The following ALB variants were observed in gnomAD, a reference collection of about 807,000 sequenced individuals.
ALB encodes serum albumin.
ALB carries 37 observed loss-of-function variants against 74.5 expected under a neutral mutation model. The observed-to-expected ratio is 0.50, with a 90% CI of 0.38 to 0.65. The LOEUF (loss-of-function observed/expected upper bound fraction) is 0.65, where lower values mean the gene tolerates loss of function less well. Among genes scored for constraint, ALB ranks in the 30% least tolerant of loss-of-function variants. ALB has a pLI of 0.00. For synonymous variants in ALB, 249 were observed against 251.6 expected (o/e 0.99, Z 0.10); for missense variants, 685 against 718.7 (o/e 0.95, Z 0.54).
intron 5 of ALB, among the ~76,000 whole-genome samples, chr4:73,410,081 G>A (rs1355428090): frequency 1.3e-5 from 2 of 152,058 alleles, no homozygotes; most frequent in Non-Finnish European, 2.9e-5. Context: ...TCCTGGCAAT[G>A]TTTCCAGTTG....
Position 73,418,053 on chromosome 4 carries a change from T to A in ALB, c.1429-35T>A, listed in dbSNP as rs765925207. ...TTAGTAGAAAATTTTCAGCTTCACC[T>A]CTTTTGAATTTCTGCTCTCCTGCCT... is the stretch of plus-strand genomic sequence containing the variant. On this transcript the variant is annotated intron_variant, in intron 11 of 14. Transcript: ENST00000295897. 66 of 1,604,498 alleles carry A rather than the reference T, an allele frequency of 4.1e-5. No individual in the cohort carries two copies. In the Admixed American group the frequency reaches 1.1e-3, roughly 27 times the overall value.
chr4:73,410,191 G>A, intron 5 of ALB, 121 bp from the exon 6 acceptor site: 1 of 751,096 alleles, frequency 1.3e-6, no homozygotes, highest in Non-Finnish European at 2.4e-6. Flanking sequence ...GGAGTACTTG[G>A]GAATTTAGGC....
intron 12 of ALB, 154 bp from the exon 13 acceptor site, chr4:73,419,353 T>G (rs377522633): frequency 4.0e-6 from 3 of 745,736 alleles, no homozygotes; most frequent in African/African-American, 1.8e-5. Flanking sequence ...TTGAGACTTA[T>G]AGCGGTATGC....
chr4:73,420,241 T>A lies in ALB; in HGVS notation c.1786-13T>A. 6.2e-7 allele frequency: 1 copy of A among 1,610,898 alleles called. No individual in the cohort carries two copies. Among genetic ancestry groups the A allele is most frequent in the South Asian group, 1.1e-5 (1 of 90,942 alleles). ...TAATATTTTCCTAACATCTGTCATG[T>A]CTTTGTGTTCAGGGTAAAAAACTTG... On this transcript the variant is annotated splice_polypyrimidine_tract_variant and intron_variant, in intron 13 of 14. Coordinates refer to ENST00000295897, the MANE Select transcript of ALB (RefSeq NM_000477.7).
At chr4:73,417,276 T>A (rs1577941159) in intron 10 of ALB, among the ~76,000 whole-genome samples, 1 of 152,332 alleles carries the variant, frequency 6.6e-6, no homozygotes, top group South Asian at 2.1e-4. Flanking sequence ...AATAAATTTA[T>A]TAATGTCACT....
intron 4 of ALB, 139 bp from the exon 5 acceptor site, chr4:73,409,216 C>T (rs1718806873): frequency 3.4e-6 from 3 of 875,970 alleles, no homozygotes; most frequent in African/African-American, 1.7e-5. Context: ...AGAGACAAGA[C>T]CATCATGTGC....
At position 73,417,596 on chromosome 4, in the gene ALB, G is replaced by A; in HGVS notation, c.1355G>A (p.Arg452Lys). ...ACTCCAACTCTTGTAGAGGTCTCAA[G>A]AAACCTAGGAAAAGTGGGCAGCAAA... ...VSTPTLVEVS[R>K]NLGKVGSKCC... is the part of the protein sequence containing the mutation. The change falls in exon 11 of 15, where the codon AGA (arginine) becomes AAA (lysine). Residue 452 changes from arginine (R) to lysine (K), a missense_variant. By Grantham distance (26) the Arg-to-Lys change is conservative. Transcript: ENST00000295897. 1 of 1,613,830 alleles carries A rather than the reference G, an allele frequency of 6.2e-7. No individual in the cohort carries two copies. Among genetic ancestry groups the A allele is most frequent in the African/African-American group, 1.3e-5 (1 of 74,964 alleles).
intron 4 of ALB, 153 bp downstream of exon 4, chr4:73,408,958 C>A: frequency 4.4e-6 from 3 of 684,998 alleles, no homozygotes; most frequent in East Asian, 2.7e-5. Context: ...GTATTTGATA[C>A]CACAAAATTC....
At chr4:73,410,230 G>A (rs1237200806) in intron 5 of ALB, 82 bp from the exon 6 acceptor site, 1 of 1,062,998 alleles carries the variant, frequency 9.4e-7, no homozygotes, top group African/African-American at 1.6e-5. Flanking sequence ...ATTTAATTTG[G>A]CACAGTCTCA....
At chr4:73,414,872 G>C (rs56150190) in intron 8 of ALB, among the ~76,000 whole-genome samples, 163 bp from the exon 9 acceptor site, 1 of 152,256 alleles carries the variant, frequency 6.6e-6, no homozygotes, top group African/African-American at 2.4e-5. Context: ...TTGAGCCTTG[G>C]TAACTTTAAC....
In ALB at chr4:73,406,717, A is replaced by G. The variant is rs1577934980; in HGVS notation, c.226A>G (p.Thr76Ala). 2 of 1,613,936 alleles carry G rather than the reference A, an allele frequency of 1.2e-6. No individual in the cohort carries two copies. The highest frequency in any genetic ancestry group is 1.7e-6 in the Non-Finnish European group (2 of 1,179,948). ...LVNEVTEFAK[T>A]CVADESAENC... is the part of the protein sequence containing the mutation. ...GAATGAAGTAACTGAATTTGCAAAA[A>G]CATGTGTTGCTGATGAGTCAGCTGA... The change falls in exon 3 of 15, where the codon ACA becomes GCA. Residue 76 changes from threonine to alanine, a missense_variant. Coordinates refer to ENST00000295897, the MANE Select transcript of ALB (RefSeq NM_000477.7).
At chr4:73,412,265 C>T (rs571621071) in intron 7 of ALB, 140 bp downstream of exon 7, 1 of 1,060,618 alleles carries the variant, frequency 9.4e-7, no homozygotes, top group East Asian at 2.4e-5. Context: ...CAATCTTTCC[C>T]TGCCTATGGT....
Position 73,413,640 on chromosome 4 carries a change from T to C in ALB, c.1058+6T>C, listed in dbSNP as rs1478324602. On this transcript the variant is annotated splice_donor_region_variant and intron_variant, in intron 8 of 14. Transcript: ENST00000295897. ...AAGGATGTCTTCCTGGGCATGTAAG[T>C]AGATAAGAAATTATTCTTTTATAGC... 2 of 1,613,366 alleles carry C rather than the reference T, an allele frequency of 1.2e-6. No homozygotes were observed. Among genetic ancestry groups the C allele is most frequent in the Non-Finnish European group, 1.7e-6 (2 of 1,179,498 alleles).
chr4:73,406,483 C>T, intron 2 of ALB, 146 bp from the exon 3 acceptor site: 2 of 798,030 alleles, frequency 2.5e-6, no homozygotes, highest in South Asian at 3.3e-5. Flanking sequence ...CAGATCATAC[C>T]TGATATGAAT....
chr4:73,408,503 T>A (rs1718788713), intron 3 of ALB, 91 bp from the exon 4 acceptor site: 1 of 1,160,564 alleles, frequency 8.6e-7, no homozygotes, highest in Admixed American at 1.9e-5. Flanking sequence ...CTGACCAAGC[T>A]TAACCAGTAT....
rs532590437 is a variant in ALB at position 73,418,909 on chromosome 4, C to G, written c.1652+598C>G. On this transcript the variant is annotated intron_variant, in intron 12 of 14. Coordinates refer to ENST00000295897, the MANE Select transcript of ALB (RefSeq NM_000477.7). ...TATTGCAAAACCTGTCATGCCCACA[C>G]AAATCTCTCCCTGGCATTGTTGTCT... Among the ~76,000 whole-genome samples the G allele has an allele frequency of 1.1e-4, 16 of 152,240 alleles. No individual in the cohort carries two copies. The South Asian group carries it at 3.3e-3, about 32-fold the overall frequency.
intron 2 of ALB, among the ~76,000 whole-genome samples, chr4:73,405,519 G>A (rs1356456065): frequency 1.3e-5 from 2 of 152,124 alleles, no homozygotes; most frequent in Admixed American, 1.3e-4. Flanking sequence ...CTTTAATATA[G>A]GTTTCCTTTG....
At chr4:73,420,629 G>A (rs1719119132) in intron 14 of ALB, among the ~76,000 whole-genome samples, 1 of 152,124 alleles carries the variant, frequency 6.6e-6, no homozygotes. Context: ...TGACTTATAT[G>A]ATGCGGTACA....
chr4:73,406,074 C>T (rs1028725992), intron 2 of ALB, among the ~76,000 whole-genome samples: 1 of 151,746 alleles, frequency 6.6e-6, no homozygotes, highest in Non-Finnish European at 1.5e-5. Context: ...CCAGCCTGGG[C>T]AAGTCTCTTT....
Sources: gnomAD v4.1 joint callset for allele counts (sites outside exome capture counted in the v4.1 genomes callset) on GRCh38, gnomAD v4.1.1 for gene constraint, MANE v1.5 for transcripts, NCBI Gene and HGNC (gene_info 2026-07-23, HGNC 2026-07-21) for gene names.